CALN1: variants seen among roughly 807,000 people sequenced by gnomAD.
CALN1 encodes the protein calcium-binding protein 8.
Under a neutral mutation model 30.6 loss-of-function variants are expected in CALN1, and 17 were observed. The observed-to-expected ratio is 0.56, with a 90% CI of 0.38 to 0.83. The LOEUF (loss-of-function observed/expected upper bound fraction) is 0.83. CALN1 is among the 40% of genes least tolerant of loss of function. The pLI is 0.00. For missense variants in CALN1, 291 were observed against 354.9 expected (o/e 0.82, Z 1.45); for synonymous variants, 156 against 131.4 (o/e 1.19, Z -1.28).
chr7:72,116,513 T>TA (rs1807993690), intron 3 of CALN1, among the ~76,000 whole-genome samples: 1 of 152,164 alleles, frequency 6.6e-6, no homozygotes, highest in South Asian at 2.1e-4. Context: ...AGAGAGGCCC[T>TA]TCAAAGAGGG....
chr7:72,315,255 A>G (rs1800359704), intron 2 of CALN1, among the ~76,000 whole-genome samples: 1 of 150,386 alleles, frequency 6.6e-6, no homozygotes, highest in Non-Finnish European at 1.5e-5. Flanking sequence ...AATAAAGGCT[A>G]CTATTCTTTC....
intron 1 of CALN1, among the ~76,000 whole-genome samples, chr7:72,429,761 G>A (rs1311318612): frequency 6.8e-6 from 1 of 147,438 alleles, no homozygotes; most frequent in African/African-American, 2.5e-5. Context: ...ATACACATCT[G>A]TATATATATA....
intron 5 of CALN1, among the ~76,000 whole-genome samples, chr7:71,922,555 C>G (rs1488679600): frequency 8.7e-6 from 1 of 114,598 alleles, no homozygotes; most frequent in Non-Finnish European, 1.7e-5. Context: ...ATATAACACA[C>G]AGATTATATA....
intron 2 of CALN1, among the ~76,000 whole-genome samples, chr7:72,396,206 G>A (rs1382329524): frequency 6.6e-5 from 9 of 136,998 alleles, no homozygotes; most frequent in African/African-American, 2.6e-4. Context: ...AGACCAGCCT[G>A]GTCAGCATGG....
intron 1 of CALN1, among the ~76,000 whole-genome samples, chr7:72,419,202 C>G (rs1378958074): frequency 6.6e-6 from 1 of 152,148 alleles, no homozygotes; most frequent in East Asian, 1.9e-4. Flanking sequence ...TCTCACCCTA[C>G]TGCTCCAAAA....
chr7:72,278,744 C>T lies in CALN1; in HGVS notation c.186G>A (p.Ser62=), dbSNP rs146054367. 30 of 1,614,038 alleles carry T rather than the reference C, an allele frequency of 1.9e-5. No homozygotes were observed. The African/African-American group carries it at 1.9e-4, about 10-fold the overall frequency. ...GTTCGCTGTCACTGCCAGCAGAGAG[C>T]GATCGGTTGAGGTAATTCCCCTTGT... ...LLYKGNYLNR[S]LSAGSDSEQL... The change falls in exon 3 of 7, where the codon TCG becomes TCA. Residue 62 remains serine (S), a synonymous_variant. Transcript: ENST00000395275.
At chr7:72,168,063 A>T (rs1433379119) in intron 3 of CALN1, among the ~76,000 whole-genome samples, 1 of 152,222 alleles carries the variant, frequency 6.6e-6, no homozygotes, top group Non-Finnish European at 1.5e-5. Context: ...AAATTTATGC[A>T]ATCTATGTTA....
intron 5 of CALN1, among the ~76,000 whole-genome samples, chr7:71,920,448 G>A (rs956120996): frequency 5.5e-5 from 8 of 145,000 alleles, no homozygotes; most frequent in African/African-American, 1.0e-4. Flanking sequence ...CCATTCTCTC[G>A]CCTCAGCTTC....
At chr7:72,271,066 A>G (rs1481697323) in intron 3 of CALN1, among the ~76,000 whole-genome samples, 1 of 152,234 alleles carries the variant, frequency 6.6e-6, no homozygotes, top group Non-Finnish European at 1.5e-5. Context: ...TGATTCCCAG[A>G]TGACTGCTGT....
intron 3 of CALN1, among the ~76,000 whole-genome samples, chr7:72,163,784 C>T (rs1173088569): frequency 6.6e-6 from 1 of 152,050 alleles, no homozygotes; most frequent in Non-Finnish European, 1.5e-5. Context: ...GATTCAGTGA[C>T]CTGTGAGACA....
At chr7:72,229,882 C>G (rs1793960508) in intron 3 of CALN1, among the ~76,000 whole-genome samples, 1 of 151,852 alleles carries the variant, frequency 6.6e-6, no homozygotes, top group African/African-American at 2.4e-5. Context: ...GTGGCTCATA[C>G]CTGTAATCTC....
chr7:71,835,946 C>A (rs1317284430), intron 5 of CALN1, among the ~76,000 whole-genome samples: 1 of 152,162 alleles, frequency 6.6e-6, no homozygotes, highest in African/African-American at 2.4e-5. Flanking sequence ...GGGTATATTC[C>A]TGCCTGTTGG....
At chr7:71,923,151 T>C (rs759684223) in intron 5 of CALN1, among the ~76,000 whole-genome samples, 25 of 152,130 alleles carry the variant, frequency 1.6e-4, no homozygotes, top group Non-Finnish European at 2.9e-4. Flanking sequence ...CTGTTCTTTG[T>C]TGGTAAACAA....
intron 5 of CALN1, among the ~76,000 whole-genome samples, chr7:71,933,523 A>G (rs553777116): frequency 6.6e-6 from 1 of 152,232 alleles, no homozygotes; most frequent in African/African-American, 2.4e-5. Context: ...CAAGATGATG[A>G]GCCCTGGGTA....
At position 72,335,950 on chromosome 7, in the gene CALN1, G is replaced by A. The variant is rs1004004210; in HGVS notation, c.120-57140C>T. 3.3e-5 allele frequency among the ~76,000 whole-genome samples: 5 copies of A among 152,276 alleles called. No individual in the cohort carries two copies. The South Asian group carries it at 1.0e-3, about 32-fold the overall frequency. On this transcript the variant is annotated intron_variant, in intron 2 of 6. Transcript: ENST00000395275. ...TCTCGGGAAGTTCACTCCGCGCTGC[G>A]CTAGTCCGGAGAAACTAGGAACCCG...
intron 2 of CALN1, among the ~76,000 whole-genome samples, chr7:72,399,093 C>G (rs1806168273): frequency 6.6e-6 from 1 of 152,004 alleles, no homozygotes; most frequent in South Asian, 2.1e-4. Context: ...GTCACCTCCT[C>G]CAGATGCATT....
At chr7:72,211,133 C>A (rs1792364657) in intron 3 of CALN1, among the ~76,000 whole-genome samples, 1 of 152,040 alleles carries the variant, frequency 6.6e-6, no homozygotes, top group South Asian at 2.1e-4. Flanking sequence ...GTTCGTATTG[C>A]CAACAAAACT....
At chr7:72,267,107 G>C (rs1164136849) in intron 3 of CALN1, among the ~76,000 whole-genome samples, 1 of 152,172 alleles carries the variant, frequency 6.6e-6, no homozygotes, top group African/African-American at 2.4e-5. Flanking sequence ...TTGTCTTCTT[G>C]TAACAGGAAT....
intron 5 of CALN1, among the ~76,000 whole-genome samples, chr7:72,009,629 C>T (rs1799956214): frequency 1.3e-5 from 2 of 152,158 alleles, no homozygotes; most frequent in South Asian, 4.1e-4. Context: ...CCCATCATTC[C>T]CATGTGTTGT....
Sources: allele counts gnomAD v4.1 joint callset (sites outside exome capture counted in the v4.1 genomes callset), GRCh38; gene constraint gnomAD v4.1.1; transcripts MANE v1.5; gene names NCBI Gene and HGNC (gene_info 2026-07-23, HGNC 2026-07-21).